PACRG: variants seen among roughly 807,000 people sequenced by gnomAD.
PACRG encodes parkin coregulated gene protein.
PACRG carries 29 observed loss-of-function variants against 29.7 expected under a neutral mutation model. That is an observed-to-expected ratio of 0.98 (90% CI 0.73 to 1.33). The LOEUF (loss-of-function observed/expected upper bound fraction) is 1.33, where lower values mean the gene tolerates loss of function less well. Ranked by LOEUF, PACRG falls within the 40% of genes most tolerant of loss-of-function variation. The pLI, the probability that PACRG is intolerant of heterozygous loss-of-function variation, is 0.00. For synonymous variants in PACRG, 116 were observed against 118.7 expected (o/e 0.98, Z 0.15); for missense variants, 279 against 316.2 (o/e 0.88, Z 0.89).
At chr6:162,961,035 A>G (rs779047026) in intron 2 of PACRG, among the ~76,000 whole-genome samples, 85 of 138,876 alleles carry the variant, frequency 6.1e-4, no homozygotes, top group Non-Finnish European at 1.2e-3. Flanking sequence ...TTTTGGCCAG[A>G]TGAGGATTGC....
intron 2 of PACRG, among the ~76,000 whole-genome samples, chr6:162,873,218 G>A (rs940598554): frequency 6.6e-6 from 1 of 152,084 alleles, no homozygotes; most frequent in Non-Finnish European, 1.5e-5. Context: ...GTGTGTGTGT[G>A]TGTGTGTGTT....
At chr6:163,001,380 A>G (rs1218521518) in intron 2 of PACRG, among the ~76,000 whole-genome samples, 2 of 152,156 alleles carry the variant, frequency 1.3e-5, no homozygotes, top group African/African-American at 4.8e-5. Flanking sequence ...TTTCATATTT[A>G]TGTATCTCCC....
chr6:163,277,850 C>G (rs1046171729), intron 4 of PACRG, among the ~76,000 whole-genome samples: 4 of 151,924 alleles, frequency 2.6e-5, no homozygotes, highest in South Asian at 2.1e-4. Flanking sequence ...GGGTAGGTAC[C>G]TAATAGTGGG....
At chr6:162,755,839 A>G (rs546295886) in intron 1 of PACRG, among the ~76,000 whole-genome samples, 1 of 151,300 alleles carries the variant, frequency 6.6e-6, no homozygotes, top group Non-Finnish European at 1.5e-5. Context: ...TTCCATTTGC[A>G]TTTGTCTCAA....
intron 2 of PACRG, among the ~76,000 whole-genome samples, chr6:162,914,117 A>G (rs1272481964): frequency 6.6e-6 from 1 of 152,074 alleles, no homozygotes; most frequent in African/African-American, 2.4e-5. Context: ...TACTTTTGGT[A>G]TGCTAATCTA....
chr6:163,088,184 C>A (rs898050851), intron 3 of PACRG, among the ~76,000 whole-genome samples: 2 of 152,064 alleles, frequency 1.3e-5, no homozygotes, highest in Admixed American at 1.3e-4. Context: ...ATGTATTGAC[C>A]AAAGCATCAT....
intron 4 of PACRG, among the ~76,000 whole-genome samples, chr6:163,249,015 C>CAAAAAAAAA (rs57866351): frequency 3.7e-5 from 4 of 107,482 alleles, no homozygotes; most frequent in Non-Finnish European, 7.6e-5. Context: ...GACTCTGTCT[C>CAAAAAAAAA]AAAAAAAAAA....
At chr6:163,108,136 C>T (rs1390228535) in intron 4 of PACRG, among the ~76,000 whole-genome samples, 2 of 152,070 alleles carry the variant, frequency 1.3e-5, no homozygotes, top group African/African-American at 2.4e-5. Context: ...GGAGGAGGGG[C>T]CAGGTGGGAG....
At chr6:163,051,457 A>G (rs486863) in intron 2 of PACRG, 150,546 of 152,172 alleles carry the variant, frequency 0.99, 74,475 homozygotes, top group East Asian at 1. Flanking sequence ...TTTCCTTTTC[A>G]TTATCTGAGA....
At chr6:162,847,411 T>C (rs1016447731) in intron 2 of PACRG, among the ~76,000 whole-genome samples, 4 of 152,094 alleles carry the variant, frequency 2.6e-5, no homozygotes, top group South Asian at 2.1e-4. Flanking sequence ...TTATTGTAAC[T>C]TCAGTTTCCC....
chr6:162,930,264 C>T (rs916234128), intron 2 of PACRG, among the ~76,000 whole-genome samples: 1 of 151,682 alleles, frequency 6.6e-6, no homozygotes, highest in Non-Finnish European at 1.5e-5. Context: ...CTCTCCAAGT[C>T]CTTTTATCAG....
chr6:162,873,995 T>C (rs897243883), intron 2 of PACRG, among the ~76,000 whole-genome samples: 2 of 152,088 alleles, frequency 1.3e-5, no homozygotes, highest in Admixed American at 6.5e-5. Flanking sequence ...TGAGCAGCGC[T>C]TCTGATTGTG....
Position 162,882,753 on chromosome 6 carries a change from G to A in PACRG, c.291+68472G>A, listed in dbSNP as rs75112993. Among the ~76,000 whole-genome samples, 19 of 152,210 alleles carry A rather than the reference G, an allele frequency of 1.2e-4. No homozygotes were observed. The East Asian group carries it at 3.7e-3, about 29-fold the overall frequency. ...TCCCCCAACTCCATCCCACCAACAT[G>A]TCTTTGGATTTCAAACTAACCCGAC... On this transcript the variant is annotated intron_variant, in intron 2 of 4. Transcript: ENST00000366888.
chr6:163,119,435 T>C (rs556134677), intron 4 of PACRG, among the ~76,000 whole-genome samples: 3 of 152,328 alleles, frequency 2.0e-5, no homozygotes, highest in African/African-American at 7.2e-5. Flanking sequence ...AATTGGCTTT[T>C]CCTGGCACGA....
intron 4 of PACRG, among the ~76,000 whole-genome samples, chr6:163,211,232 A>G (rs1369852330): frequency 6.6e-6 from 1 of 152,230 alleles, no homozygotes; most frequent in African/African-American, 2.4e-5. Context: ...TGTGTAAATT[A>G]TGCAACTGTC....
At chr6:163,049,343 C>A (rs954661170) in intron 2 of PACRG, among the ~76,000 whole-genome samples, 1 of 151,972 alleles carries the variant, frequency 6.6e-6, no homozygotes, top group South Asian at 2.1e-4. Flanking sequence ...GGAAAAGTTA[C>A]AAATAGACTA....
chr6:163,254,346 A>C (rs1207041946), intron 4 of PACRG, among the ~76,000 whole-genome samples: 1 of 152,162 alleles, frequency 6.6e-6, no homozygotes, highest in Non-Finnish European at 1.5e-5. Context: ...GGAGACTCTG[A>C]AATTGTTTCT....
At position 163,092,750 on chromosome 6, in the gene PACRG, G is replaced by A. The variant is rs117942648; in HGVS notation, c.613+3342G>A. 1.7e-4 allele frequency among the ~76,000 whole-genome samples: 26 copies of A among 152,256 alleles called. No homozygotes were observed. In the East Asian group the frequency reaches 4.4e-3, roughly 26 times the overall value. On this transcript the variant is annotated intron_variant, in intron 4 of 4. Coordinates refer to ENST00000366888, the MANE Select transcript of PACRG (RefSeq NM_001080379.2). ...GCACCTTCACATGGAGCCTGTCCAT[G>A]ACCGGGTATTAATGAGAGAGCCATT...
chr6:163,123,008 T>A (rs1192658452), intron 4 of PACRG, among the ~76,000 whole-genome samples: 1 of 152,048 alleles, frequency 6.6e-6, no homozygotes, highest in Non-Finnish European at 1.5e-5. Flanking sequence ...CGTGGAGTGG[T>A]TTTAAGGAGC....
Sources: gnomAD v4.1 joint callset for allele counts (sites outside exome capture counted in the v4.1 genomes callset) on GRCh38, gnomAD v4.1.1 for gene constraint, MANE v1.5 for transcripts, NCBI Gene and HGNC (gene_info 2026-07-23, HGNC 2026-07-21) for gene names.